ADAM19: variants seen among roughly 807,000 people sequenced by gnomAD.
ADAM19 encodes the protein ADAM metallopeptidase domain 19, also known as disintegrin and metalloproteinase domain-containing protein 19.
ADAM19 carries 65 observed loss-of-function variants against 114.7 expected under a neutral mutation model. The observed-to-expected ratio is 0.57, with a 90% CI of 0.46 to 0.70. The LOEUF is 0.70. ADAM19 is among the 30% of genes least tolerant of loss of function. ADAM19 has a pLI of 0.00. For synonymous variants in ADAM19, 466 were observed against 460.5 expected (o/e 1.01, Z -0.15); for missense variants, 1,063 against 1,204.7 (o/e 0.88, Z 1.74).
At chr5:157,522,150 G>A (rs1295346111) in intron 5 of ADAM19, among the ~76,000 whole-genome samples, 1 of 152,220 alleles carries the variant, frequency 6.6e-6, no homozygotes, top group Admixed American at 6.5e-5. Flanking sequence ...TGTGCTAAGT[G>A]AGCATTTTAT....
intron 14 of ADAM19, among the ~76,000 whole-genome samples, chr5:157,496,596 C>T (rs747443160): frequency 2.0e-5 from 3 of 152,138 alleles, no homozygotes; most frequent in East Asian, 1.9e-4. Flanking sequence ...TGAGATTAAA[C>T]GTCTTTTCAT....
In ADAM19 at chr5:157,481,787, T is replaced by G; in HGVS notation, c.2703+4A>C. The G allele has an allele frequency of 6.4e-7, 1 of 1,569,054 alleles. No individual in the cohort carries two copies. The highest frequency in any genetic ancestry group is 1.2e-5 in the South Asian group (1 of 85,558). On this transcript the variant is annotated splice_donor_region_variant and intron_variant, in intron 22 of 22. Coordinates refer to ENST00000257527, the MANE Select transcript of ADAM19 (RefSeq NM_033274.5). ...TTCACCTTGAGGGCTTCCCGTGGACTCACCTTTGGGGCAAGTGCTGCCAGA... is the reference window on the plus strand; with the variant it reads ...TTCACCTTGAGGGCTTCCCGTGGACGCACCTTTGGGGCAAGTGCTGCCAGA...
At chr5:157,575,138 G>C (rs1030312732) in intron 1 of ADAM19, among the ~76,000 whole-genome samples, 5 of 152,234 alleles carry the variant, frequency 3.3e-5, no homozygotes, top group African/African-American at 9.6e-5. Flanking sequence ...CCACCAGTGT[G>C]GCAGGCACCG....
At chr5:157,504,487 G>A (rs977796861) in intron 11 of ADAM19, among the ~76,000 whole-genome samples, 15 of 152,246 alleles carry the variant, frequency 9.9e-5, no homozygotes, top group African/African-American at 3.4e-4. Context: ...CTGACCTCAG[G>A]TGAACTGCCC....
chr5:157,510,488 T>C (rs978377862), intron 8 of ADAM19, among the ~76,000 whole-genome samples: 1 of 152,018 alleles, frequency 6.6e-6, no homozygotes, highest in Non-Finnish European at 1.5e-5. Context: ...AAAATAAAAA[T>C]AAAATAAAGC....
chr5:157,525,709 C>A (rs1756433759), intron 5 of ADAM19, among the ~76,000 whole-genome samples: 1 of 152,156 alleles, frequency 6.6e-6, no homozygotes, highest in South Asian at 2.1e-4. Flanking sequence ...ATCCACACAG[C>A]CAGGAAGTAT....
chr5:157,495,064 A>T (rs116202281), intron 14 of ADAM19, among the ~76,000 whole-genome samples: 290 of 152,002 alleles, frequency 1.9e-3, no homozygotes, highest in African/African-American at 6.8e-3. Context: ...ATCACGGCTC[A>T]TTGCATCCTC....
At chr5:157,558,846 T>C (rs554912029) in intron 3 of ADAM19, among the ~76,000 whole-genome samples, 2 of 152,230 alleles carry the variant, frequency 1.3e-5, no homozygotes, top group African/African-American at 2.4e-5. Context: ...GCCTGCTAAT[T>C]CTGCCCTTCC....
Position 157,488,456 on chromosome 5 carries a change from A to C in ADAM19, c.2359T>G (p.Ser787Ala). Reference sequence around the variant, plus strand: ...GGAGGGGGCCGGGGAGGAGGCTGGGAGGGCTTCCGCAGGATTTCCGGAGTG... The same window carrying C: ...GGAGGGGGCCGGGGAGGAGGCTGGGCGGGCTTCCGCAGGATTTCCGGAGTG... ...INTPEILRKPSQPPPRPPPDY... is the reference protein window; with the variant it reads ...INTPEILRKPAQPPPRPPPDY... The change falls in exon 21 of 23, where the codon TCC (serine) becomes GCC (alanine). Residue 787 changes from serine to alanine, a missense_variant. Physicochemically the swap from Ser to Ala is moderately conservative, Grantham distance 99. Around this residue, in one of 3 missense-constraint regions of ADAM19, gnomAD observed 424 missense variants for 445.5 expected, o/e 0.95. Transcript: ENST00000257527. 2 of 1,608,394 alleles carry C rather than the reference A, an allele frequency of 1.2e-6. No homozygotes were observed. Among genetic ancestry groups the C allele is most frequent in the Admixed American group, 1.7e-5 (1 of 59,398 alleles).
chr5:157,505,381 A>C (rs1009831251), intron 11 of ADAM19, among the ~76,000 whole-genome samples: 1 of 152,176 alleles, frequency 6.6e-6, no homozygotes, highest in Non-Finnish European at 1.5e-5. Context: ...AAATTCATGA[A>C]ATAAAAAAGA....
intron 8 of ADAM19, among the ~76,000 whole-genome samples, chr5:157,510,476 A>AAAAAAT (rs915495136): frequency 2.0e-5 from 3 of 152,244 alleles, no homozygotes; most frequent in Admixed American, 1.3e-4. Flanking sequence ...CCGTCTCAAA[A>AAAAAAT]AAAAATAAAA....
At chr5:157,486,078 C>T (rs975465033) in intron 21 of ADAM19, among the ~76,000 whole-genome samples, 1 of 152,196 alleles carries the variant, frequency 6.6e-6, no homozygotes, top group Non-Finnish European at 1.5e-5. Context: ...TCCATGTCCC[C>T]CAGCTAGGAG....
intron 6 of ADAM19, 84 bp from the exon 7 acceptor site, chr5:157,518,972 G>C: frequency 2.7e-6 from 3 of 1,123,046 alleles, no homozygotes; most frequent in Non-Finnish European, 4.1e-6. Flanking sequence ...AGAGCTGCTG[G>C]ATAAGCAGCA....
chr5:157,499,019 T>C (rs1755462662), intron 13 of ADAM19, among the ~76,000 whole-genome samples: 1 of 152,162 alleles, frequency 6.6e-6, no homozygotes, highest in Admixed American at 6.5e-5. Flanking sequence ...AATTTATCTC[T>C]CACATCAATA....
intron 3 of ADAM19, among the ~76,000 whole-genome samples, chr5:157,549,967 T>C (rs866413057): frequency 1.3e-5 from 2 of 152,172 alleles, no homozygotes; most frequent in Non-Finnish European, 2.9e-5. Flanking sequence ...CTCAAAAACT[T>C]TACCCGAAGT....
chr5:157,539,786 G>T (rs1013538256), intron 3 of ADAM19, among the ~76,000 whole-genome samples: 1 of 152,150 alleles, frequency 6.6e-6, no homozygotes, highest in Admixed American at 6.5e-5. Flanking sequence ...ATTTGCCTGA[G>T]GGAGAAAAGC....
intron 4 of ADAM19, among the ~76,000 whole-genome samples, chr5:157,532,842 G>A (rs1216781135): frequency 6.6e-6 from 1 of 152,184 alleles, no homozygotes; most frequent in Non-Finnish European, 1.5e-5. Context: ...GGCATAGCCA[G>A]GCATATTTAA....
chr5:157,500,908 C>G (rs1196505465), intron 12 of ADAM19, among the ~76,000 whole-genome samples: 1 of 152,188 alleles, frequency 6.6e-6, no homozygotes. Context: ...TATGAGGCAG[C>G]CTTGACCCCA....
intron 3 of ADAM19, among the ~76,000 whole-genome samples, chr5:157,556,721 A>G (rs1188447038): frequency 6.6e-6 from 1 of 152,224 alleles, no homozygotes; most frequent in African/African-American, 2.4e-5. Context: ...GGCTATGCCC[A>G]ATACTGGGTA....
Sources: allele counts gnomAD v4.1 joint callset (sites outside exome capture counted in the v4.1 genomes callset), GRCh38; gene constraint gnomAD v4.1.1; regional missense constraint gnomAD v4.1.1; transcripts MANE v1.5; gene names NCBI Gene and HGNC (gene_info 2026-07-23, HGNC 2026-07-21).